Variants in EDARADD observed in about 807,000 individuals in gnomAD.
EDARADD encodes the protein EDAR associated via death domain, also known as ectodysplasin-A receptor-associated adapter protein.
Under a neutral mutation model 25.6 loss-of-function variants are expected in EDARADD, and 20 were observed. The ratio of observed to expected loss-of-function variants is 0.78; its 90% CI spans 0.55 to 1.14. EDARADD has a LOEUF of 1.14. Among genes scored for constraint, EDARADD ranks in the 50% most tolerant of loss-of-function variants. EDARADD has a pLI of 0.00. For synonymous variants in EDARADD, 86 were observed against 94.4 expected, an observed-to-expected ratio of 0.91 and a Z score of 0.52; for missense variants, 225 against 270.1, an observed-to-expected ratio of 0.83 and a Z score of 1.17.
Position 236,482,334 on chromosome 1 carries a change from C to T in EDARADD, c.333C>T (p.Thr111=). 6.2e-7 allele frequency: 1 copy of T among 1,614,114 alleles called. No homozygotes were observed. The highest frequency in any genetic ancestry group is 8.5e-7 in the Non-Finnish European group (1 of 1,180,030). ...CCTCCTGCTTGCTCCGGGCCCCCAC[C>T]ATAAGTGACTTGCTCAATGATCAGG... ...TCSSCLLRAP[T]ISDLLNDQDL... is the part of the protein sequence containing the mutation. The change falls in exon 6 of 6, where the codon ACC becomes ACT. Residue 111 remains threonine, a synonymous_variant. Transcript: ENST00000334232.
chr1:236,352,847 CATAA>C (rs138228557), intron 3 of EDARADD, among the ~76,000 whole-genome samples: 21,757 of 151,676 alleles, frequency 0.14, 2,049 homozygotes, highest in East Asian at 0.43. Flanking sequence ...AACTCCATCT[CATAA>C]ATAAATAAAT....
intron 4 of EDARADD, among the ~76,000 whole-genome samples, chr1:236,458,706 C>T (rs564480376): frequency 6.7e-6 from 1 of 149,102 alleles, no homozygotes; most frequent in African/African-American, 2.5e-5. Flanking sequence ...TGCGATGGCC[C>T]AGTCCCAGCT....
At chr1:236,354,310 G>T (rs1215976991) in intron 3 of EDARADD, among the ~76,000 whole-genome samples, 1 of 152,126 alleles carries the variant, frequency 6.6e-6, no homozygotes, top group Admixed American at 6.6e-5. Flanking sequence ...GAGGGAAAAG[G>T]CTAGAATATA....
At chr1:236,371,887 G>A (rs1374862258) in intron 3 of EDARADD, among the ~76,000 whole-genome samples, 1 of 151,224 alleles carries the variant, frequency 6.6e-6, no homozygotes, top group African/African-American at 2.4e-5. Flanking sequence ...TGTTCTTTAT[G>A]AAGTTGAGGA....
Position 236,396,711 on chromosome 1 carries a change from G to A in EDARADD, c.61+2206G>A, listed in dbSNP as rs571423021. Among the ~76,000 whole-genome samples, 392 of 150,414 alleles carry A rather than the reference G, an allele frequency of 2.6e-3. 5 individuals are homozygous for A. The highest frequency in any genetic ancestry group is 9.2e-3 in the African/African-American group (376 of 41,020). On this transcript the variant is annotated intron_variant, in intron 1 of 5. Coordinates refer to ENST00000334232, the MANE Select transcript of EDARADD (RefSeq NM_145861.4). ...AAAGATCTACCTTTTTTTTTTTTAA[G>A]TGGGGATTGTTAAACATTTTATCAA...
At chr1:236,371,182 C>T (rs1421671361) in intron 3 of EDARADD, among the ~76,000 whole-genome samples, 1 of 152,052 alleles carries the variant, frequency 6.6e-6, no homozygotes, top group Non-Finnish European at 1.5e-5. Context: ...TTTAGAGGAG[C>T]TAATATAAAT....
intron 5 of EDARADD, among the ~76,000 whole-genome samples, chr1:236,475,841 A>T (rs994457751): frequency 4.6e-5 from 7 of 152,160 alleles, no homozygotes; most frequent in African/African-American, 1.7e-4. Flanking sequence ...AAATAAACTG[A>T]TAATGGTTGA....
At chr1:236,406,728 T>A (rs999538025) in intron 1 of EDARADD, among the ~76,000 whole-genome samples, 2 of 152,224 alleles carry the variant, frequency 1.3e-5, no homozygotes, top group African/African-American at 4.8e-5. Context: ...CTGCCTAGAA[T>A]GCTTTTCCCT....
rs147787119 is a variant in EDARADD, at chr1:236,388,535, G to A, written c.-5-20681G>A. On this transcript the variant is annotated intron_variant, in intron 3 of 7. Transcript: ENST00000439430. ...TTAACATGGTATAGCTTGCTATTCC[G>A]TCAGATTTCTTTTTATGTTTTTCAC... 1.3e-3 allele frequency among the ~76,000 whole-genome samples: 193 copies of A among 152,212 alleles called. 2 individuals carry two copies. The highest frequency in any genetic ancestry group is 4.4e-3 in the African/African-American group (183 of 41,544).
intron 1 of EDARADD, among the ~76,000 whole-genome samples, chr1:236,405,800 C>CTT (rs1667709376): frequency 1.1e-5 from 1 of 93,768 alleles, no homozygotes; most frequent in African/African-American, 4.3e-5. Context: ...TTTTCTTTTT[C>CTT]TTTCTTTCTT....
chr1:236,440,989 A>T (rs1033726661), intron 4 of EDARADD, among the ~76,000 whole-genome samples: 1 of 151,876 alleles, frequency 6.6e-6, no homozygotes, highest in South Asian at 2.1e-4. Flanking sequence ...AGAAATAATT[A>T]AGTTTAGAGA....
rs752115447 is a variant in EDARADD at position 236,482,469 on chromosome 1, G to A, written c.468G>A (p.Leu156=). The change falls in exon 6 of 6, where the codon CTG becomes CTA. Residue 156 remains leucine (L), a synonymous_variant. Coordinates refer to ENST00000334232, the MANE Select transcript of EDARADD (RefSeq NM_145861.4). ...TGTCCTATGACGAATTGTGCTTCCTGGAGCAGAGGCCACAGAGCCCCACCT... is the reference window on the plus strand; with the variant it reads ...TGTCCTATGACGAATTGTGCTTCCTAGAGCAGAGGCCACAGAGCCCCACCT... ...WGMSYDELCF[L]EQRPQSPTLE... 1 of 1,614,088 alleles carries A rather than the reference G, an allele frequency of 6.2e-7. No homozygotes were observed. Among genetic ancestry groups the A allele is most frequent in the East Asian group, 2.2e-5 (1 of 44,882 alleles).
rs567805854 is a variant in EDARADD, at chr1:236,388,271, A to C, written c.-5-20945A>C. Among the ~76,000 whole-genome samples, 489 of 151,970 alleles carry C rather than the reference A, an allele frequency of 3.2e-3. 2 individuals are homozygous for C. The highest frequency in any genetic ancestry group is 0.011 in the African/African-American group (458 of 41,430). On this transcript the variant is annotated intron_variant, in intron 3 of 7. Transcript: ENST00000439430. Reference sequence around the variant, plus strand: ...GTTCTGTTCCATTAATCTTTTTTTCACTTTTCTTGTACCAATATTCAGTGT... The same window carrying C: ...GTTCTGTTCCATTAATCTTTTTTTCCCTTTTCTTGTACCAATATTCAGTGT...
At chr1:236,379,116 T>C (rs1667264774) in intron 3 of EDARADD, among the ~76,000 whole-genome samples, 1 of 152,168 alleles carries the variant, frequency 6.6e-6, no homozygotes, top group Non-Finnish European at 1.5e-5. Context: ...ACACCTGTAA[T>C]CCCAGCACTT....
At chr1:236,437,780 C>T (rs546163286) in intron 4 of EDARADD, among the ~76,000 whole-genome samples, 4 of 133,152 alleles carry the variant, frequency 3.0e-5, no homozygotes, top group Non-Finnish European at 6.2e-5. Flanking sequence ...CTTGCTCTGT[C>T]ACCCAGGCCA....
At chr1:236,431,220 T>C (rs1162162067) in intron 4 of EDARADD, among the ~76,000 whole-genome samples, 1 of 152,240 alleles carries the variant, frequency 6.6e-6, no homozygotes, top group African/African-American at 2.4e-5. Flanking sequence ...GACTAAAATC[T>C]GCTTCTACTA....
intron 4 of EDARADD, among the ~76,000 whole-genome samples, chr1:236,438,212 C>G (rs1429332011): frequency 6.6e-6 from 1 of 152,208 alleles, no homozygotes; most frequent in East Asian, 1.9e-4. Flanking sequence ...AACTTGATTA[C>G]TTCTGTAAGG....
In EDARADD at chr1:236,425,248, A is replaced by G. The variant is rs569760004; in HGVS notation, c.161-2144A>G. Reference sequence around the variant, plus strand: ...CTCTGTGCCGAGAGAGCAGTTGAGTACCAAATGCTTTTTCCCGTTTTCTTT... The same window carrying G: ...CTCTGTGCCGAGAGAGCAGTTGAGTGCCAAATGCTTTTTCCCGTTTTCTTT... On this transcript the variant is annotated intron_variant, in intron 3 of 5. Transcript: ENST00000334232. 4.6e-5 allele frequency among the ~76,000 whole-genome samples: 7 copies of G among 152,338 alleles called. No homozygotes were observed. In the South Asian group the frequency reaches 1.4e-3, roughly 32 times the overall value.
intron 3 of EDARADD, among the ~76,000 whole-genome samples, chr1:236,359,425 A>G (rs1459919145): frequency 1.3e-5 from 2 of 152,196 alleles, no homozygotes; most frequent in Non-Finnish European, 2.9e-5. Context: ...CCATGTGAGG[A>G]CATAGTGTTT....
Sources: gnomAD v4.1 joint callset for allele counts (sites outside exome capture counted in the v4.1 genomes callset) on GRCh38, gnomAD v4.1.1 for gene constraint, MANE v1.5 for transcripts, NCBI Gene and HGNC (gene_info 2026-07-23, HGNC 2026-07-21) for gene names.